Variants in TMCC1 observed in about 807,000 individuals in gnomAD.
TMCC1 encodes transmembrane and coiled-coil domain family 1, also known as transmembrane and coiled-coil domains protein 1.
In TMCC1, 15 loss-of-function variants were observed where a neutral mutation model predicts 52.4. That is an observed-to-expected ratio of 0.29 (90% CI 0.19 to 0.44). The LOEUF (loss-of-function observed/expected upper bound fraction) is 0.44, where lower values mean the gene tolerates loss of function less well. Among genes scored for constraint, TMCC1 ranks in the 20% least tolerant of loss-of-function variants. The probability of loss-of-function intolerance (pLI) is 1.00; values close to 1 mark genes in which losing one functional copy is unlikely to be tolerated. For missense variants in TMCC1, 503 were observed against 806.0 expected (o/e 0.62, Z 4.55); for synonymous variants, 279 against 301.9 (o/e 0.92, Z 0.79).
chr3:129,744,714 T>C (rs547397959), intron 4 of TMCC1, among the ~76,000 whole-genome samples: 32 of 152,296 alleles, frequency 2.1e-4, no homozygotes, highest in African/African-American at 7.2e-4. Context: ...TACAAAGAGT[T>C]TCACATATAT....
chr3:129,790,645 C>G (rs1316860217), intron 4 of TMCC1, among the ~76,000 whole-genome samples: 1 of 152,094 alleles, frequency 6.6e-6, no homozygotes, highest in East Asian at 1.9e-4. Flanking sequence ...GAGTGCAGGC[C>G]AGAGTAATTT....
intron 4 of TMCC1, among the ~76,000 whole-genome samples, chr3:129,674,141 A>G (rs1213287626): frequency 6.6e-6 from 1 of 152,204 alleles, no homozygotes; most frequent in East Asian, 1.9e-4. Flanking sequence ...CACTTTGACA[A>G]AACTCCCTAA....
chr3:129,857,775 G>A lies in TMCC1; in HGVS notation c.-184+22534C>T, dbSNP rs909986570. On this transcript the variant is annotated intron_variant, in intron 2 of 6. Transcript: ENST00000393238. ...AGACAGGGTTTCACCTTGTTAGCCA[G>A]GATGGTCTCGATCTCCTGATGTCAT... 3.3e-5 allele frequency among the ~76,000 whole-genome samples: 5 copies of A among 152,150 alleles called. No individual in the cohort carries two copies. In the East Asian group the frequency reaches 9.7e-4, roughly 29 times the overall value.
At chr3:129,672,650 A>G (rs2088054254) in intron 4 of TMCC1, among the ~76,000 whole-genome samples, 1 of 152,182 alleles carries the variant, frequency 6.6e-6, no homozygotes, top group Non-Finnish European at 1.5e-5. Context: ...CAGAGTAATG[A>G]GTAATGAGTA....
intron 2 of TMCC1, among the ~76,000 whole-genome samples, chr3:129,858,418 T>C (rs1421053923): frequency 6.6e-6 from 1 of 152,210 alleles, no homozygotes; most frequent in African/African-American, 2.4e-5. Flanking sequence ...TCACTCAGGC[T>C]GGAGTGCACT....
intron 4 of TMCC1, among the ~76,000 whole-genome samples, chr3:129,695,625 T>G (rs756870283): frequency 1.3e-5 from 2 of 152,126 alleles, no homozygotes; most frequent in African/African-American, 2.4e-5. Flanking sequence ...GAGAACAGCA[T>G]GAGGGTAACT....
At chr3:129,754,169 G>GT (rs1183500459) in intron 4 of TMCC1, among the ~76,000 whole-genome samples, 1 of 152,126 alleles carries the variant, frequency 6.6e-6, no homozygotes, top group Non-Finnish European at 1.5e-5. Flanking sequence ...AGCTATAAAC[G>GT]TGACAAAATA....
chr3:129,779,627 T>C (rs868700229), intron 4 of TMCC1, among the ~76,000 whole-genome samples: 1 of 152,198 alleles, frequency 6.6e-6, no homozygotes, highest in African/African-American at 2.4e-5. Flanking sequence ...TGAATTCTTT[T>C]CAGACCTTAG....
chr3:129,719,376 T>C (rs1411871193), intron 4 of TMCC1, among the ~76,000 whole-genome samples: 1 of 152,232 alleles, frequency 6.6e-6, no homozygotes, highest in African/African-American at 2.4e-5. Context: ...TATGCATCTT[T>C]TCATCTGCAT....
chr3:129,725,884 C>T (rs1171959336), intron 4 of TMCC1, among the ~76,000 whole-genome samples: 3 of 152,126 alleles, frequency 2.0e-5, no homozygotes, highest in East Asian at 3.8e-4. Context: ...AGTAAACAGT[C>T]CTTTGGAGTA....
intron 2 of TMCC1, among the ~76,000 whole-genome samples, chr3:129,844,039 T>C (rs1378410805): frequency 1.3e-5 from 2 of 152,080 alleles, no homozygotes; most frequent in East Asian, 1.9e-4. Flanking sequence ...CTAGGCTAAG[T>C]AGGGTTTATC....
At chr3:129,712,623 ATTTT>A (rs946518980) in intron 4 of TMCC1, among the ~76,000 whole-genome samples, 1 of 149,226 alleles carries the variant, frequency 6.7e-6, no homozygotes, top group Non-Finnish European at 1.5e-5. Context: ...AATTAAAAAA[ATTTT>A]TTTTTTGTAG....
At chr3:129,846,405 G>A (rs1171462245) in intron 2 of TMCC1, among the ~76,000 whole-genome samples, 1 of 152,182 alleles carries the variant, frequency 6.6e-6, no homozygotes, top group African/African-American at 2.4e-5. Flanking sequence ...TCCCATTTAT[G>A]CTTTCTCCTT....
chr3:129,756,100 G>GAAAAAAAAAAA (rs764626470), intron 4 of TMCC1, among the ~76,000 whole-genome samples: 4 of 50,216 alleles, frequency 8.0e-5, no homozygotes, highest in Non-Finnish European at 8.6e-5. Flanking sequence ...TCCATCTCAA[G>GAAAAAAAAAAA]AAAAAAAAAA....
intron 2 of TMCC1, chr3:129,847,486 T>C (rs1221546668): frequency 6.6e-6 from 1 of 152,242 alleles, no homozygotes; most frequent in Non-Finnish European, 1.5e-5. Flanking sequence ...TTGAGGTCCA[T>C]CTAGGTTGTT....
intron 5 of TMCC1, among the ~76,000 whole-genome samples, chr3:129,659,962 C>T (rs148962026): frequency 1.3e-5 from 2 of 152,340 alleles, no homozygotes; most frequent in Admixed American, 6.5e-5. Flanking sequence ...ACCTGGCACA[C>T]AAGAGGTGCT....
At chr3:129,893,167 A>G (rs2062054167) in intron 1 of TMCC1, 1 of 151,690 alleles carries the variant, frequency 6.6e-6, no homozygotes, top group Admixed American at 6.6e-5. Context: ...GACTTCTCAC[A>G]CGCCCCTCCC....
intron 4 of TMCC1, chr3:129,794,220 C>T (rs564787858): frequency 5.2e-5 from 23 of 439,132 alleles, no homozygotes; most frequent in South Asian, 4.9e-5. Flanking sequence ...CCCTCCTTAG[C>T]GCTGGAGGAC....
At chr3:129,801,522 C>T (rs1000993814) in intron 4 of TMCC1, among the ~76,000 whole-genome samples, 1 of 152,128 alleles carries the variant, frequency 6.6e-6, no homozygotes, top group African/African-American at 2.4e-5. Flanking sequence ...AATGCAGTGG[C>T]ACGATCTCGG....
Sources: gnomAD v4.1 joint callset for allele counts (sites outside exome capture counted in the v4.1 genomes callset) on GRCh38, gnomAD v4.1.1 for gene constraint, MANE v1.5 for transcripts, NCBI Gene and HGNC (gene_info 2026-07-23, HGNC 2026-07-21) for gene names.